SCNN1B: variants seen among roughly 807,000 people sequenced by gnomAD.
The protein encoded by SCNN1B is sodium channel epithelial 1 subunit beta.
Under a neutral mutation model 65.3 loss-of-function variants are expected in SCNN1B, and 46 were observed. The observed-to-expected ratio is 0.70, with a 90% CI of 0.56 to 0.90. SCNN1B has a LOEUF of 0.90. SCNN1B is among the 40% of genes least tolerant of loss of function. SCNN1B has a pLI of 0.00. For synonymous variants in SCNN1B, 349 were observed against 330.6 expected (o/e 1.06, Z -0.60); for missense variants, 751 against 830.5 (o/e 0.90, Z 1.18).
At position 23,348,540 on chromosome 16, in the gene SCNN1B, C is replaced by A; in HGVS notation, c.-8-52C>A. 6 of 1,589,052 alleles carry A rather than the reference C, an allele frequency of 3.8e-6. No homozygotes were observed. The South Asian group carries it at 6.7e-5, about 18-fold the overall frequency. ...TTCCTGGACGTGACTGGGACATCCT[C>A]GCAGGCAAGGCTGGTGTCCCAGCTG... On this transcript the variant is annotated intron_variant, in intron 1 of 12. Transcript: ENST00000343070. The surrounding 1 kb of genome is among the most constrained non-coding windows in gnomAD (Gnocchi z 4.5).
intron 2 of SCNN1B, among the ~76,000 whole-genome samples, chr16:23,350,763 A>G (rs996819441): frequency 2.0e-5 from 3 of 152,078 alleles, no homozygotes; most frequent in African/African-American, 7.2e-5. Context: ...AAATACAAAA[A>G]TTAGCCGGGT....
upstream of SCNN1B, among the ~76,000 whole-genome samples, chr16:23,299,456 G>C (rs1443748380): frequency 1.3e-5 from 2 of 152,162 alleles, no homozygotes; most frequent in Non-Finnish European, 2.9e-5. Flanking sequence ...TTCAAAGTGA[G>C]GTCCACAGAC....
intron 1 of SCNN1B, among the ~76,000 whole-genome samples, chr16:23,344,629 G>T (rs866951119): frequency 2.0e-4 from 30 of 152,280 alleles, no homozygotes; most frequent in African/African-American, 7.0e-4. Context: ...TGGGAGTGGG[G>T]TTACTCTATG....
intron 1 of SCNN1B, among the ~76,000 whole-genome samples, chr16:23,319,944 T>C (rs761864585): frequency 3.3e-5 from 5 of 152,118 alleles, no homozygotes; most frequent in Admixed American, 6.5e-5. Flanking sequence ...ATTTTTGTAT[T>C]TTTTTGTAGT....
intron 4 of SCNN1B, among the ~76,000 whole-genome samples, chr16:23,362,905 G>T (rs1962581242): frequency 6.6e-6 from 1 of 152,176 alleles, no homozygotes; most frequent in African/African-American, 2.4e-5. Context: ...ACAGTTTATA[G>T]ACTCCATGGT....
rs150768233 is a variant in SCNN1B at position 23,333,775 on chromosome 16, C to T, written c.-8-14817C>T. Among the ~76,000 whole-genome samples the T allele has an allele frequency of 2.7e-3, 413 of 152,152 alleles. 2 individuals carry two copies. Among genetic ancestry groups the T allele is most frequent in the African/African-American group, 9.5e-3 (395 of 41,476 alleles). On this transcript the variant is annotated intron_variant, in intron 1 of 12. Coordinates refer to ENST00000343070, the MANE Select transcript of SCNN1B (RefSeq NM_000336.3). ...TTGCTTGAGCCCAGGAGTTTGAGAC[C>T]AGCCTGGGCAATACAGCAAGACCCC...
rs554149950 is a variant in SCNN1B, at chr16:23,361,721, C to A, written c.777-6135C>A. 2.0e-5 allele frequency among the ~76,000 whole-genome samples: 3 copies of A among 152,324 alleles called. No homozygotes were observed. In the South Asian group the frequency reaches 6.2e-4, roughly 32 times the overall value. ...AACTTTTGCCTACTTTCTGGCACTA[C>A]AGGATGCCCCCGCCCTAGAATCAGC... On this transcript the variant is annotated intron_variant, in intron 4 of 12. Coordinates refer to ENST00000343070, the MANE Select transcript of SCNN1B (RefSeq NM_000336.3).
chr16:23,287,756 A>G (rs1960870370), intron 2 of SCNN1B, among the ~76,000 whole-genome samples: 1 of 151,332 alleles, frequency 6.6e-6, no homozygotes, highest in Non-Finnish European at 1.5e-5. Flanking sequence ...AATAGAAAAG[A>G]TCTGGGGTTC....
chr16:23,367,730 T>A, intron 4 of SCNN1B, 126 bp from the exon 5 acceptor site: 1 of 785,162 alleles, frequency 1.3e-6, no homozygotes, highest in South Asian at 1.4e-5. Context: ...ATGGACAGAA[T>A]GACCTGTTGC....
upstream of SCNN1B, among the ~76,000 whole-genome samples, chr16:23,301,373 AG>A (rs1205617412): frequency 6.6e-6 from 1 of 151,430 alleles, no homozygotes; most frequent in Non-Finnish European, 1.5e-5. Context: ...AAAAAAAGAA[AG>A]AAAGAAAGAA....
intron 7 of SCNN1B, among the ~76,000 whole-genome samples, chr16:23,374,398 A>C (rs1962848300): frequency 6.6e-6 from 1 of 150,748 alleles, no homozygotes; most frequent in African/African-American, 2.4e-5. Context: ...ACATAGTGAA[A>C]CCTGGTCTCT....
At chr16:23,330,881 G>A (rs3785362) in intron 1 of SCNN1B, among the ~76,000 whole-genome samples, 36,114 of 151,956 alleles carry the variant, frequency 0.24, 4,320 homozygotes, top group Middle Eastern at 0.33. Context: ...AAGGGCAGTC[G>A]AGGCTTCCCT....
At chr16:23,352,571 C>A (rs572175754) in intron 2 of SCNN1B, among the ~76,000 whole-genome samples, 3 of 152,280 alleles carry the variant, frequency 2.0e-5, no homozygotes, top group South Asian at 4.1e-4. Flanking sequence ...GTAAGACATG[C>A]CTTGCTTCCC....
chr16:23,278,777 C>T (rs111270499), intron 1 of SCNN1B, among the ~76,000 whole-genome samples: 3 of 151,610 alleles, frequency 2.0e-5, no homozygotes, highest in African/African-American at 7.3e-5. Context: ...CACATCTCTA[C>T]AAAAAATAAA....
At chr16:23,343,581 G>GATAA (rs1962108260) in intron 1 of SCNN1B, among the ~76,000 whole-genome samples, 1 of 70,324 alleles carries the variant, frequency 1.4e-5, no homozygotes, top group Admixed American at 1.7e-4. Flanking sequence ...GAAAGAAAAA[G>GATAA]AGAAAGAAAG....
At chr16:23,315,033 G>A (rs908258875) in intron 1 of SCNN1B, among the ~76,000 whole-genome samples, 2 of 152,166 alleles carry the variant, frequency 1.3e-5, no homozygotes, top group East Asian at 1.9e-4. Context: ...AACAGAAGGG[G>A]CTAAGAGAAA....
At chr16:23,306,396 T>C (rs749077370) in intron 1 of SCNN1B, among the ~76,000 whole-genome samples, 5 of 152,178 alleles carry the variant, frequency 3.3e-5, no homozygotes, top group Non-Finnish European at 7.4e-5. Context: ...CTTAGTACAG[T>C]GCCTGACTCA....
At chr16:23,302,914 A>T (rs573158819) in intron 1 of SCNN1B, among the ~76,000 whole-genome samples, 26 of 152,270 alleles carry the variant, frequency 1.7e-4, no homozygotes, top group Non-Finnish European at 3.5e-4. Flanking sequence ...ACTGAGGGTC[A>T]GAGGGTGGGG....
chr16:23,343,613 A>AAGAAAGAAAGAAAGAAAGAAAG (rs1962116824), intron 1 of SCNN1B, among the ~76,000 whole-genome samples: 1 of 124,404 alleles, frequency 8.0e-6, no homozygotes, highest in African/African-American at 3.2e-5. Flanking sequence ...GAAAGAAAGA[A>AAGAAAGAAAGAAAGAAAGAAAG]AGAAAGAAAG....
Sources: gnomAD v4.1 joint callset for allele counts (sites outside exome capture counted in the v4.1 genomes callset) on GRCh38, gnomAD v4.1.1 for gene constraint, Gnocchi (gnomAD v3.1) non-coding constraint, MANE v1.5 for transcripts, NCBI Gene and HGNC (gene_info 2026-07-23, HGNC 2026-07-21) for gene names.